AAK1: variants seen among roughly 807,000 people sequenced by gnomAD.
AAK1 encodes the protein AP2 associated kinase 1.
Under a neutral mutation model 116.0 loss-of-function variants are expected in AAK1, and 37 were observed. The ratio of observed to expected loss-of-function variants is 0.32; its 90% confidence interval spans 0.25 to 0.42. The LOEUF is 0.42. Ranked by LOEUF, AAK1 falls within the 10% of genes least tolerant of loss-of-function variation. AAK1 has a pLI of 1.00. For synonymous variants in AAK1, 458 were observed against 439.9 expected (o/e 1.04, Z -0.51); for missense variants, 919 against 1,170.6 (o/e 0.79, Z 3.14).
At chr2:69,567,855 T>G (rs186689254) in intron 2 of AAK1, among the ~76,000 whole-genome samples, 41 of 152,320 alleles carry the variant, frequency 2.7e-4, no homozygotes, top group African/African-American at 9.4e-4. Flanking sequence ...CTATTGCTTC[T>G]TTCAAAAATA....
chr2:69,513,443 C>G (rs1676467284), intron 13 of AAK1, among the ~76,000 whole-genome samples: 1 of 152,076 alleles, frequency 6.6e-6, no homozygotes, highest in Non-Finnish European at 1.5e-5. Context: ...CCTCAGCCTC[C>G]CGAGTAGCTG....
intron 2 of AAK1, among the ~76,000 whole-genome samples, chr2:69,635,975 A>G (rs1675427717): frequency 6.6e-6 from 1 of 152,208 alleles, no homozygotes; most frequent in African/African-American, 2.4e-5. Context: ...TAGAAAAAAT[A>G]AGATTTTGTC....
chr2:69,557,585 C>A (rs1318103295), intron 2 of AAK1, among the ~76,000 whole-genome samples: 1 of 152,152 alleles, frequency 6.6e-6, no homozygotes, highest in African/African-American at 2.4e-5. Flanking sequence ...AGCCACTGTA[C>A]CAGCCCTGTC....
intron 15 of AAK1, 23 bp downstream of exon 15, chr2:69,507,398 A>G: frequency 6.2e-7 from 1 of 1,603,928 alleles, no homozygotes; most frequent in Non-Finnish European, 8.5e-7. Flanking sequence ...CAAGAAGCAC[A>G]AAAAAAGACA....
chr2:69,579,701 C>T (rs889496641), intron 2 of AAK1, among the ~76,000 whole-genome samples: 1 of 152,180 alleles, frequency 6.6e-6, no homozygotes, highest in African/African-American at 2.4e-5. Flanking sequence ...TAGAGTTGTT[C>T]GTCTTCCTCC....
chr2:69,620,491 G>A (rs1038256385), intron 2 of AAK1, among the ~76,000 whole-genome samples: 1 of 152,112 alleles, frequency 6.6e-6, no homozygotes, highest in Non-Finnish European at 1.5e-5. Flanking sequence ...TAGACTTGGT[G>A]CTCCCACTCA....
intron 2 of AAK1, among the ~76,000 whole-genome samples, chr2:69,568,140 A>T (rs1671952378): frequency 6.6e-6 from 1 of 152,220 alleles, no homozygotes; most frequent in Admixed American, 6.5e-5. Context: ...GATCATTTCA[A>T]CCAGGACACC....
At chr2:69,507,740 T>G (rs1276798500) in intron 14 of AAK1, among the ~76,000 whole-genome samples, 162 bp from the exon 15 acceptor site, 1 of 151,066 alleles carries the variant, frequency 6.6e-6, no homozygotes, top group East Asian at 1.9e-4. Flanking sequence ...AGAGTTTTGC[T>G]CTTTCACCCA....
chr2:69,551,024 G>C (rs899614329), intron 3 of AAK1, among the ~76,000 whole-genome samples: 1 of 150,164 alleles, frequency 6.7e-6, no homozygotes, highest in African/African-American at 2.5e-5. Flanking sequence ...CACATTTATT[G>C]TTTCTTTCTT....
chr2:69,630,617 T>C (rs548576739), intron 2 of AAK1, among the ~76,000 whole-genome samples: 4 of 152,352 alleles, frequency 2.6e-5, no homozygotes, highest in African/African-American at 7.2e-5. Context: ...ATGAGAAGAC[T>C]AGATCTTAGT....
chr2:69,639,234 C>A (rs1410419189), intron 2 of AAK1, among the ~76,000 whole-genome samples: 2 of 152,168 alleles, frequency 1.3e-5, no homozygotes, highest in South Asian at 4.1e-4. Context: ...TTGTTTAAAG[C>A]TTAGATATAA....
chr2:69,642,668 C>G (rs1327331189), intron 2 of AAK1, among the ~76,000 whole-genome samples: 1 of 152,134 alleles, frequency 6.6e-6, no homozygotes, highest in Non-Finnish European at 1.5e-5. Flanking sequence ...CTAACGTAAA[C>G]AATTTCGGCA....
intron 2 of AAK1, among the ~76,000 whole-genome samples, chr2:69,572,354 G>A (rs1186598650): frequency 1.3e-5 from 2 of 152,064 alleles, no homozygotes; most frequent in Non-Finnish European, 2.9e-5. Flanking sequence ...CTGAGGCCAG[G>A]CATGGTGGCT....
intron 2 of AAK1, among the ~76,000 whole-genome samples, chr2:69,564,740 C>A (rs1414963294): frequency 6.6e-6 from 1 of 152,114 alleles, no homozygotes; most frequent in Non-Finnish European, 1.5e-5. Flanking sequence ...ATGCTAAAGC[C>A]CTTCTTCTGA....
Position 69,587,786 on chromosome 2 carries a change from T to A in AAK1, c.164-30808A>T, listed in dbSNP as rs545879004. ...CAGTTGCCCAGCTAATATTTTTAAA[T>A]TTTTTTGTAGAGACAGAGTTTTACT... On this transcript the variant is annotated intron_variant, in intron 2 of 21. Transcript: ENST00000409085. Among the ~76,000 whole-genome samples, 7 of 152,072 alleles carry A rather than the reference T, an allele frequency of 4.6e-5. No homozygotes were observed. In the East Asian group the frequency reaches 5.8e-4, roughly 13 times the overall value.
intron 2 of AAK1, among the ~76,000 whole-genome samples, chr2:69,575,135 T>C (rs1672253054): frequency 6.6e-6 from 1 of 152,004 alleles, no homozygotes; most frequent in Non-Finnish European, 1.5e-5. Flanking sequence ...TGACCATATA[T>C]TATCTTTTTT....
At position 69,473,127 on chromosome 2, in the gene AAK1, C is replaced by G; in HGVS notation, c.*2742G>C. On this transcript the variant is annotated 3_prime_UTR_variant, in exon 22 of 22. Transcript: ENST00000409085. Reference sequence around the variant, plus strand: ...ATCGTATAACTCTAAGGAACAGCAACTCTGAGAGGTGAAGTGCCTGCTGAA... The same window carrying G: ...ATCGTATAACTCTAAGGAACAGCAAGTCTGAGAGGTGAAGTGCCTGCTGAA... 1 of 839,464 alleles carries G rather than the reference C, an allele frequency of 1.2e-6. No homozygotes were observed. The highest frequency in any genetic ancestry group is 1.4e-6 in the Non-Finnish European group (1 of 696,964). The allele number at this position is 839,464 out of a possible 1,614,324, so 52.0% of individuals were successfully genotyped here. A position where few individuals can be genotyped will look rare whatever the true frequency, so the allele number is the denominator to read the frequency against.
At position 69,541,877 on chromosome 2, in the gene AAK1, C is replaced by G. The variant is rs576081493; in HGVS notation, c.534+646G>C. Among the ~76,000 whole-genome samples the G allele has an allele frequency of 3.1e-3, 469 of 152,326 alleles. 1 individual carries two copies. Among genetic ancestry groups the G allele is most frequent in the Middle Eastern group, 6.8e-3 (2 of 294 alleles). On this transcript the variant is annotated intron_variant, in intron 5 of 21. Transcript: ENST00000409085. ...AGAATCTGAAGGCTGGATTCAAATT[C>G]TGGCACTGTCCTTCCTAGTTATATG... is the stretch of plus-strand genomic sequence containing the variant.
intron 3 of AAK1, among the ~76,000 whole-genome samples, chr2:69,547,152 T>C (rs1014590202): frequency 2.0e-5 from 3 of 152,166 alleles, no homozygotes; most frequent in African/African-American, 7.2e-5. Context: ...ATCAAAGAAC[T>C]AAAAATCCCT....
Sources: allele counts gnomAD v4.1 joint callset (sites outside exome capture counted in the v4.1 genomes callset), GRCh38; gene constraint gnomAD v4.1.1; transcripts MANE v1.5; gene names NCBI Gene and HGNC (gene_info 2026-07-23, HGNC 2026-07-21).